RAB38: variants seen among roughly 807,000 people sequenced by gnomAD.
RAB38 encodes the protein RAB38, member RAS oncogene family, also known as ras-related protein Rab-38.
In RAB38, 15 loss-of-function variants were observed where a neutral mutation model predicts 18.4. The ratio of observed to expected loss-of-function variants is 0.82; its 90% CI spans 0.55 to 1.26. The LOEUF (loss-of-function observed/expected upper bound fraction) is 1.26. Ranked by LOEUF, RAB38 falls within the 50% of genes most tolerant of loss-of-function variation. RAB38 has a pLI of 0.00. For missense variants in RAB38, 294 were observed against 267.4 expected, an observed-to-expected ratio of 1.10 and a Z score of -0.69; for synonymous variants, 101 against 104.4, an observed-to-expected ratio of 0.97 and a Z score of 0.20.
At chr11:87,929,899 A>G in the RAB38 span, among the ~76,000 whole-genome samples, 1 of 151,660 alleles carries the variant, frequency 6.6e-6, no homozygotes, top group Non-Finnish European at 1.5e-5. Flanking sequence ...TGAACTCATC[A>G]TTTTTTATGG....
At chr11:87,893,388 A>ATTTTTTTTT in the RAB38 span, among the ~76,000 whole-genome samples, 1 of 9,354 alleles carries the variant, frequency 1.1e-4, no homozygotes, top group Non-Finnish European at 3.1e-4. Flanking sequence ...ATATATATAT[A>ATTTTTTTTT]TATTTTTTTT....
the RAB38 span, among the ~76,000 whole-genome samples, chr11:87,941,890 C>T: frequency 6.6e-6 from 1 of 152,108 alleles, no homozygotes; most frequent in Non-Finnish European, 1.5e-5. Context: ...ACTCCCTTAC[C>T]TGTCAGCAGA....
chr11:88,014,151 T>C, the RAB38 span, among the ~76,000 whole-genome samples: 1 of 152,182 alleles, frequency 6.6e-6, no homozygotes, highest in Admixed American at 6.5e-5. Context: ...ATAATCTGTA[T>C]GCCAGGTCTT....
the RAB38 span, among the ~76,000 whole-genome samples, chr11:88,069,065 G>A: frequency 6.6e-6 from 1 of 152,208 alleles, no homozygotes; most frequent in Non-Finnish European, 1.5e-5. Context: ...GATGCAGGCA[G>A]GAACCGGGGC....
At chr11:88,019,801 C>T in the RAB38 span, among the ~76,000 whole-genome samples, 45 of 152,298 alleles carry the variant, frequency 3.0e-4, no homozygotes, top group Admixed American at 2.4e-3. Flanking sequence ...CCAAATATAA[C>T]CTTCCCTATG....
the RAB38 span, chr11:87,879,383 GGA>G: frequency 1.3e-5 from 2 of 151,472 alleles, no homozygotes; most frequent in South Asian, 4.2e-4. Flanking sequence ...ATGGGGGTGG[GGA>G]GAGTATTCCA....
chr11:87,873,478 T>G, the RAB38 span, among the ~76,000 whole-genome samples: 3 of 151,682 alleles, frequency 2.0e-5, no homozygotes, highest in Non-Finnish European at 4.4e-5. Flanking sequence ...TATCAATTAT[T>G]TCATTCATGG....
At chr11:88,092,380 GAGAGAGAGAGAGAGAGAGA>G in the RAB38 span, among the ~76,000 whole-genome samples, 28 of 30,816 alleles carry the variant, frequency 9.1e-4, no homozygotes, top group East Asian at 2.2e-3. Context: ...GAGAGAGAGA[GAGAGAGAGAGAGAGAGAGA>G]GAGAGAGAGA....
At chr11:88,032,254 T>C in the RAB38 span, among the ~76,000 whole-genome samples, 1,284 of 152,308 alleles carry the variant, frequency 8.4e-3, 18 homozygotes, top group African/African-American at 0.03. Flanking sequence ...GACTTAAATG[T>C]TAGACCTAAA....
the RAB38 span, among the ~76,000 whole-genome samples, chr11:87,843,291 A>T: frequency 6.6e-6 from 1 of 152,146 alleles, no homozygotes; most frequent in Non-Finnish European, 1.5e-5. Context: ...CCTTATATAG[A>T]CTTTTACTGG....
chr11:88,059,357 G>A, the RAB38 span, among the ~76,000 whole-genome samples: 103 of 152,182 alleles, frequency 6.8e-4, 1 homozygote, highest in African/African-American at 2.4e-3. Flanking sequence ...CTTAATAGGG[G>A]TATAATTCAA....
the RAB38 span, among the ~76,000 whole-genome samples, chr11:87,875,478 C>T: frequency 6.6e-6 from 1 of 151,358 alleles, no homozygotes; most frequent in Non-Finnish European, 1.5e-5. Flanking sequence ...TATGTCCATA[C>T]ACATTTTAGA....
the RAB38 span, among the ~76,000 whole-genome samples, chr11:88,006,297 A>C: frequency 6.6e-6 from 1 of 151,682 alleles, no homozygotes; most frequent in African/African-American, 2.4e-5. Flanking sequence ...CAATGTGGTG[A>C]AAAGGGAATC....
the RAB38 span, among the ~76,000 whole-genome samples, chr11:87,880,729 C>G: frequency 6.6e-6 from 1 of 151,742 alleles, no homozygotes. Context: ...TCAAAAGAAA[C>G]TACTTTTCTG....
At chr11:88,060,962 T>G in the RAB38 span, among the ~76,000 whole-genome samples, 2 of 152,164 alleles carry the variant, frequency 1.3e-5, no homozygotes, top group Non-Finnish European at 2.9e-5. Flanking sequence ...ATAAAAAGAC[T>G]TTGGAATCGG....
At chr11:88,047,175 G>A in the RAB38 span, among the ~76,000 whole-genome samples, 9 of 152,038 alleles carry the variant, frequency 5.9e-5, no homozygotes, top group Admixed American at 1.3e-4. Context: ...CTGCTCCCCC[G>A]GCTCCTTCAG....
intron 1 of RAB38, among the ~76,000 whole-genome samples, chr11:88,150,767 C>G (rs911441980): frequency 6.6e-6 from 1 of 152,156 alleles, no homozygotes. Flanking sequence ...ATCTAGGGCT[C>G]ACAGTCTTTT....
chr11:88,049,549 C>T, the RAB38 span, among the ~76,000 whole-genome samples: 82 of 152,256 alleles, frequency 5.4e-4, no homozygotes, highest in African/African-American at 1.9e-3. Flanking sequence ...TTTTCGGACT[C>T]AGCCCGCCTG....
chr11:87,870,509 C>T, the RAB38 span, among the ~76,000 whole-genome samples: 1 of 151,406 alleles, frequency 6.6e-6, no homozygotes, highest in Admixed American at 6.6e-5. Context: ...ATCAGGGGTC[C>T]GTGACTTTTC....
Sources: gnomAD v4.1 joint callset for allele counts (sites outside exome capture counted in the v4.1 genomes callset) on GRCh38, gnomAD v4.1.1 for gene constraint, MANE v1.5 for transcripts, NCBI Gene and HGNC (gene_info 2026-07-23, HGNC 2026-07-21) for gene names.